The following VWF variants were observed in gnomAD, a reference collection of about 807,000 sequenced individuals.
VWF encodes Factor VIII related antigen.
VWF carries 176 observed loss-of-function variants against 308.6 expected under a neutral mutation model. The ratio of observed to expected loss-of-function variants is 0.57; its 90% CI spans 0.50 to 0.65. VWF has a LOEUF of 0.65. VWF is among the 30% of genes least tolerant of loss of function. The probability of loss-of-function intolerance (pLI) is 0.00; values close to 1 mark genes in which losing one functional copy is unlikely to be tolerated. For synonymous variants in VWF, 1,385 were observed against 1,443.4 expected (o/e 0.96, Z 0.92); for missense variants, 3,146 against 3,648.2 (o/e 0.86, Z 3.55).
At chr12:5,976,042 T>C (rs1450673439) in intron 43 of VWF, 69 bp downstream of exon 43, 2 of 1,606,716 alleles carry the variant, frequency 1.2e-6, no homozygotes, top group Middle Eastern at 2.1e-4. Flanking sequence ...TTCTTACCCT[T>C]CCTAAGATGC....
Position 6,018,607 on chromosome 12 carries a change from A to C in VWF, c.4811T>G (p.Val1604Gly). The C allele has an allele frequency of 1.9e-6, 3 of 1,614,030 alleles. No individual in the cohort carries two copies. The highest frequency in any genetic ancestry group is 2.5e-6 in the Non-Finnish European group (3 of 1,179,980). The change falls in exon 28 of 52, where the codon GTC becomes GGC. Residue 1604 changes from valine (V) to glycine (G), a missense_variant. Around this residue, in one of 3 missense-constraint regions of VWF, gnomAD observed 853 missense variants for 1,177.8 expected, o/e 0.72. Coordinates refer to ENST00000261405, the MANE Select transcript of VWF (RefSeq NM_000552.5). ...QGDREQAPNL[V>G]YMVTGNPASD... ...GGCAGGATTTCCGGTGACCATGTAG[A>C]CCAGGTTGGGCGCCTGCTCCCGGTC...
At position 5,996,067 on chromosome 12, in the gene VWF, C is replaced by G; in HGVS notation, c.5998G>C (p.Gly2000Arg). ...TTCACCTCGATGGATTTCATGCAGC[C>G]CTGCCTTGCTCCAGGGCTGCAGGCA... ...NGACSPGARQGCMKSIEVKHS... is the reference protein window; with the variant it reads ...NGACSPGARQRCMKSIEVKHS... The change falls in exon 35 of 52, where the codon GGC becomes CGC. Residue 2000 changes from glycine (G) to arginine (R), a missense_variant. Gly to Arg is a moderately radical substitution (Grantham distance 125). Transcript: ENST00000261405. 6.2e-7 allele frequency: 1 copy of G among 1,614,000 alleles called. No homozygotes were observed. The highest frequency in any genetic ancestry group is 8.5e-7 in the Non-Finnish European group (1 of 1,180,028).
At chr12:6,092,630 T>TGTGA (rs1945059886) in intron 6 of VWF, among the ~76,000 whole-genome samples, 1 of 72,902 alleles carries the variant, frequency 1.4e-5, no homozygotes, top group African/African-American at 8.2e-5. Context: ...TGTGTGTGTG[T>TGTGA]GTGTGTGTGT....
chr12:5,985,439 C>A (rs1477941341), intron 39 of VWF, 124 bp downstream of exon 39: 1 of 1,114,652 alleles, frequency 9.0e-7, no homozygotes, highest in Non-Finnish European at 1.3e-6. Flanking sequence ...GGAAGCCCAC[C>A]CACTCTAGGA....
In VWF at chr12:6,110,934, G is replaced by A. The variant is rs369017115; in HGVS notation, c.255C>T (p.Ser85=). Residue 85 remains serine, a synonymous_variant, in exon 4 of 52, where the codon TCC becomes TCT. Transcript: ENST00000261405. ...DFQNGKRVSL[S]VYLGEFFDIH... Reference sequence around the variant, plus strand: ...TGTCAAAAAATTCCCCAAGATACACGGAGAGGCTCACTCTCTTGCCATTCT... The same window carrying A: ...TGTCAAAAAATTCCCCAAGATACACAGAGAGGCTCACTCTCTTGCCATTCT... 25 of 1,613,928 alleles carry A rather than the reference G, an allele frequency of 1.5e-5. No individual in the cohort carries two copies. Among genetic ancestry groups the A allele is most frequent in the African/African-American group, 9.4e-5 (7 of 74,866 alleles).
intron 16 of VWF, among the ~76,000 whole-genome samples, chr12:6,050,197 C>T (rs1944493897): frequency 6.6e-6 from 1 of 152,180 alleles, no homozygotes; most frequent in Non-Finnish European, 1.5e-5. Flanking sequence ...TCACTGTCCT[C>T]ACAGGCATTC....
intron 3 of VWF, among the ~76,000 whole-genome samples, chr12:6,120,288 C>T (rs931398089): frequency 1.3e-5 from 2 of 152,034 alleles, no homozygotes; most frequent in African/African-American, 4.8e-5. Context: ...GGGCTCTGTC[C>T]TTGGCCTGCT....
intron 15 of VWF, among the ~76,000 whole-genome samples, chr12:6,055,639 T>C (rs768616927): frequency 2.6e-5 from 4 of 152,074 alleles, no homozygotes; most frequent in East Asian, 1.9e-4. Flanking sequence ...GGACCCAAAA[T>C]AGTAGCACTT....
intron 38 of VWF, among the ~76,000 whole-genome samples, chr12:5,986,727 T>C (rs1047491173): frequency 8.5e-5 from 13 of 152,206 alleles, no homozygotes; most frequent in African/African-American, 2.9e-4. Flanking sequence ...TGTGCCACTG[T>C]GTTGAGGACT....
At chr12:6,065,049 A>C (rs1839987326) in intron 11 of VWF, 88 bp downstream of exon 11, 6 of 1,588,726 alleles carry the variant, frequency 3.8e-6, no homozygotes, top group Non-Finnish European at 5.1e-6. Flanking sequence ...GCAATGCCCC[A>C]CGCCTTCCAG....
chr12:6,107,888 G>A (rs975641561), intron 5 of VWF, among the ~76,000 whole-genome samples: 2 of 152,076 alleles, frequency 1.3e-5, no homozygotes, highest in African/African-American at 4.8e-5. Context: ...TCCATCTCCT[G>A]ACCTCATGAT....
intron 13 of VWF, among the ~76,000 whole-genome samples, chr12:6,062,000 C>T (rs1033606036): frequency 1.3e-5 from 2 of 152,068 alleles, no homozygotes; most frequent in African/African-American, 4.8e-5. Context: ...GTTACTTTTC[C>T]CCAAAACAGT....
intron 21 of VWF, among the ~76,000 whole-genome samples, chr12:6,030,243 T>C (rs1451716404): frequency 6.6e-6 from 1 of 152,196 alleles, no homozygotes; most frequent in East Asian, 1.9e-4. Flanking sequence ...ATCCCTCACA[T>C]GTCTGCACAC....
At position 6,052,719 on chromosome 12, in the gene VWF, G is replaced by A; in HGVS notation, c.2010C>T (p.Arg670=). The change falls in exon 16 of 52, where the codon CGC becomes CGT. Residue 670 remains arginine, a synonymous_variant. Transcript: ENST00000261405. The stretch of plus-strand genomic sequence containing the variant: ...ATTCCTCATCCGGGTAAGAGAGAGA[G>A]CGGCAGGTCAGGTTGCAGGGGGTCC... The part of the protein sequence containing the change: ...QCGTPCNLTC[R]SLSYPDEECN... 6.2e-7 allele frequency: 1 copy of A among 1,614,222 alleles called. No homozygotes were observed. The highest frequency in any genetic ancestry group is 2.2e-5 in the East Asian group (1 of 44,886).
At chr12:6,112,561 G>A (rs1030901413) in intron 3 of VWF, among the ~76,000 whole-genome samples, 4 of 152,176 alleles carry the variant, frequency 2.6e-5, no homozygotes, top group African/African-American at 7.2e-5. Context: ...GGACTCAGGG[G>A]TAAAGTTGGT....
At chr12:6,067,641 A>C (rs577235660) in intron 10 of VWF, among the ~76,000 whole-genome samples, 8 of 152,190 alleles carry the variant, frequency 5.3e-5, no homozygotes, top group Admixed American at 3.3e-4. Context: ...CACGGGAGCT[A>C]GAACGTCAGC....
In VWF at chr12:5,955,219, AT is replaced by A. The variant is rs1555189135; in HGVS notation, c.7888-1626del. ...CCAGTATTGCAATTAGCAGGCAGGA[AT>A]TTTTTTTTTATTATACTTTAAGTTT... is the stretch of plus-strand genomic sequence containing the variant. On this transcript the variant is annotated intron_variant, in intron 47 of 51. Coordinates refer to ENST00000261405, the MANE Select transcript of VWF (RefSeq NM_000552.5). Among the ~76,000 whole-genome samples the A allele has an allele frequency of 9.2e-5, 14 of 151,572 alleles. No homozygotes were observed. The East Asian group carries it at 1.6e-3, about 17-fold the overall frequency.
chr12:6,000,240 C>T (rs1255877084), intron 34 of VWF, among the ~76,000 whole-genome samples: 1 of 152,148 alleles, frequency 6.6e-6, no homozygotes. Context: ...CACTATTAGA[C>T]TTCAAACATA....
At chr12:6,079,420 C>A (rs529457547) in intron 6 of VWF, among the ~76,000 whole-genome samples, 11 of 151,868 alleles carry the variant, frequency 7.2e-5, no homozygotes, top group Non-Finnish European at 1.5e-5. Flanking sequence ...TCCTGGCTAA[C>A]ACGGTGAAAC....
Sources: gnomAD v4.1 joint callset for allele counts (sites outside exome capture counted in the v4.1 genomes callset) on GRCh38, gnomAD v4.1.1 for gene constraint, gnomAD v4.1.1 regional missense constraint, MANE v1.5 for transcripts, NCBI Gene and HGNC (gene_info 2026-07-23, HGNC 2026-07-21) for gene names.